MSR1: variants seen among roughly 807,000 people sequenced by gnomAD.
The protein encoded by MSR1 is macrophage scavenger receptor 1.
Under a neutral mutation model 47.2 loss-of-function variants are expected in MSR1, and 53 were observed. The observed-to-expected ratio is 1.12, with a 90% confidence interval of 0.90 to 1.41. The LOEUF (loss-of-function observed/expected upper bound fraction) is 1.41. Among genes scored for constraint, MSR1 ranks in the 40% most tolerant of loss-of-function variants. The probability of loss-of-function intolerance (pLI) is 0.00; values close to 1 mark genes in which losing one functional copy is unlikely to be tolerated. For synonymous variants in MSR1, 239 were observed against 185.6 expected (o/e 1.29, Z -2.34); for missense variants, 786 against 546.9 (o/e 1.44, Z -4.36).
At chr8:16,160,168 G>T (rs1165593475) in intron 5 of MSR1, among the ~76,000 whole-genome samples, 1 of 151,794 alleles carries the variant, frequency 6.6e-6, no homozygotes, top group Non-Finnish European at 1.5e-5. Flanking sequence ...ATTCTACAAG[G>T]GTGCAAAAAG....
intron 9 of MSR1, among the ~76,000 whole-genome samples, chr8:16,112,956 T>TC (rs1195754403): frequency 6.9e-6 from 1 of 145,390 alleles, no homozygotes; most frequent in Non-Finnish European, 1.5e-5. Flanking sequence ...TTTTTTTTTT[T>TC]TTTTTTTTGA....
At chr8:16,177,809 T>A in intron 2 of MSR1, 77 bp downstream of exon 2, 1 of 1,138,394 alleles carries the variant, frequency 8.8e-7, no homozygotes, top group South Asian at 1.3e-5. Context: ...TTAAGGTAAG[T>A]CTCAAGACTA....
intron 8 of MSR1, among the ~76,000 whole-genome samples, chr8:16,136,793 G>T (rs1421589442): frequency 6.6e-6 from 1 of 152,060 alleles, no homozygotes. Context: ...GGTAGAGACA[G>T]GGTTTCACCA....
At chr8:16,164,591 T>C (rs951862749) in intron 4 of MSR1, among the ~76,000 whole-genome samples, 5 of 151,968 alleles carry the variant, frequency 3.3e-5, no homozygotes, top group African/African-American at 1.2e-4. Context: ...TGAAGTAAAA[T>C]GTCTTCGTAC....
chr8:16,191,961 A>G (rs753891856), intron 1 of MSR1, among the ~76,000 whole-genome samples: 39 of 152,176 alleles, frequency 2.6e-4, no homozygotes, highest in Non-Finnish European at 1.9e-4. Flanking sequence ...GCATTTTCAT[A>G]CTACTTAAGG....
chr8:16,118,019 C>A (rs1164819036), intron 9 of MSR1, among the ~76,000 whole-genome samples: 1 of 152,114 alleles, frequency 6.6e-6, no homozygotes, highest in African/African-American at 2.4e-5. Flanking sequence ...GGTTGGGAAC[C>A]ACTGTCTTAA....
chr8:16,189,369 T>C (rs1412937488), intron 1 of MSR1, among the ~76,000 whole-genome samples: 1 of 120,756 alleles, frequency 8.3e-6, no homozygotes, highest in Non-Finnish European at 1.6e-5. Context: ...TTTTTATATA[T>C]ATTTTATATA....
intron 5 of MSR1, among the ~76,000 whole-genome samples, chr8:16,160,283 T>C (rs905882490): frequency 2.6e-5 from 4 of 151,998 alleles, no homozygotes; most frequent in Non-Finnish European, 5.9e-5. Context: ...ATACAGAATG[T>C]TGAGAACTAA....
chr8:16,158,735 G>C (rs1801079594), intron 5 of MSR1, among the ~76,000 whole-genome samples: 2 of 151,730 alleles, frequency 1.3e-5, no homozygotes, highest in South Asian at 2.1e-4. Context: ...CAGAGAGTGA[G>C]TTGCTCAAGG....
chr8:16,138,863 T>C (rs1800455838), intron 8 of MSR1, among the ~76,000 whole-genome samples: 2 of 152,204 alleles, frequency 1.3e-5, no homozygotes, highest in South Asian at 4.1e-4. Context: ...GAGATTTTAA[T>C]GTCATGTAGG....
At chr8:16,126,319 G>A (rs1378460183) in intron 8 of MSR1, among the ~76,000 whole-genome samples, 3 of 152,082 alleles carry the variant, frequency 2.0e-5, no homozygotes, top group Non-Finnish European at 4.4e-5. Context: ...ACATAGAAAT[G>A]ACTTTTGAGG....
At chr8:16,159,040 A>T (rs1324375531) in intron 5 of MSR1, among the ~76,000 whole-genome samples, 1 of 147,286 alleles carries the variant, frequency 6.8e-6, no homozygotes, top group Non-Finnish European at 1.5e-5. Context: ...GAAGTGCTGG[A>T]ATTATATTGT....
intron 5 of MSR1, among the ~76,000 whole-genome samples, chr8:16,157,596 A>G (rs780252254): frequency 2.6e-5 from 4 of 151,968 alleles, no homozygotes; most frequent in African/African-American, 4.8e-5. Context: ...TTTCTAACAA[A>G]ATGTTGGAAG....
At chr8:16,170,130 C>T (rs1801439169) in intron 3 of MSR1, among the ~76,000 whole-genome samples, 1 of 151,974 alleles carries the variant, frequency 6.6e-6, no homozygotes, top group African/African-American at 2.4e-5. Context: ...GAGGTGGATC[C>T]CCAGGTCAGG....
At chr8:16,187,419 A>ACT (rs1391783518) in intron 1 of MSR1, among the ~76,000 whole-genome samples, 3 of 141,758 alleles carry the variant, frequency 2.1e-5, no homozygotes, top group Non-Finnish European at 4.6e-5. Flanking sequence ...GCAAGCAAGC[A>ACT]AGCTGACTGT....
At chr8:16,159,484 A>G (rs1801102937) in intron 5 of MSR1, among the ~76,000 whole-genome samples, 1 of 151,962 alleles carries the variant, frequency 6.6e-6, no homozygotes, top group African/African-American at 2.4e-5. Flanking sequence ...TTTTAACTGT[A>G]TAATTATTTA....
intron 1 of MSR1, among the ~76,000 whole-genome samples, chr8:16,178,423 A>G (rs938102478): frequency 2.0e-5 from 3 of 152,148 alleles, no homozygotes; most frequent in African/African-American, 4.8e-5. Flanking sequence ...GTCCCTACAA[A>G]GGACATAAAC....
chr8:16,172,816 T>C lies in MSR1; in HGVS notation c.217+2371A>G, dbSNP rs115987898. On this transcript the variant is annotated intron_variant, in intron 3 of 9. Coordinates refer to ENST00000262101, the MANE Select transcript of MSR1 (RefSeq NM_138715.3). ...AACCTTATAATTAAGAAAATACCCC[T>C]CAATATATAATTCACTTCACAGAGT... 5.8e-3 allele frequency among the ~76,000 whole-genome samples: 887 copies of C among 152,250 alleles called. 8 individuals are homozygous for C. Among genetic ancestry groups the C allele is most frequent in the African/African-American group, 0.016 (681 of 41,570 alleles).
intron 6 of MSR1, among the ~76,000 whole-genome samples, chr8:16,151,126 A>G (rs17620811): frequency 0.077 from 11,644 of 152,124 alleles, 614 homozygotes; most frequent in Admixed American, 0.18. Context: ...GTCATTATCA[A>G]TTCAGAGAGA....
Sources: gnomAD v4.1 joint callset for allele counts (sites outside exome capture counted in the v4.1 genomes callset) on GRCh38, gnomAD v4.1.1 for gene constraint, MANE v1.5 for transcripts, NCBI Gene and HGNC (gene_info 2026-07-23, HGNC 2026-07-21) for gene names.